The following CREB5 variants were observed in gnomAD, a reference collection of about 807,000 sequenced individuals.
The protein encoded by CREB5 is cAMP responsive element binding protein 5.
CREB5 carries 19 observed loss-of-function variants against 57.1 expected under a neutral mutation model. The observed-to-expected ratio is 0.33, with a 90% CI of 0.23 to 0.49. CREB5 has a LOEUF of 0.49. Ranked by LOEUF, CREB5 falls within the 20% of genes least tolerant of loss-of-function variation. The pLI is 0.99. For missense variants in CREB5, 579 were observed against 671.6 expected (o/e 0.86, Z 1.52); for synonymous variants, 238 against 238.3 (o/e 1.00, Z 0.01).
chr7:28,483,778 T>G (rs1228253466), intron 1 of CREB5, among the ~76,000 whole-genome samples: 1 of 152,168 alleles, frequency 6.6e-6, no homozygotes, highest in Non-Finnish European at 1.5e-5. Flanking sequence ...ACTTGTGAGA[T>G]TGAATAAAAT....
chr7:28,399,763 T>A (rs1372986756), intron 1 of CREB5, among the ~76,000 whole-genome samples: 10 of 151,958 alleles, frequency 6.6e-5, no homozygotes, highest in Admixed American at 6.6e-4. Context: ...AAACATAAAA[T>A]TAAAAAGTAC....
chr7:28,583,766 C>T (rs1257743790), intron 5 of CREB5, among the ~76,000 whole-genome samples: 1 of 152,118 alleles, frequency 6.6e-6, no homozygotes, highest in African/African-American at 2.4e-5. Context: ...GCAACCTCCA[C>T]CTCCTAGGTT....
At chr7:28,386,815 T>A (rs910257473) in intron 1 of CREB5, among the ~76,000 whole-genome samples, 1 of 152,146 alleles carries the variant, frequency 6.6e-6, no homozygotes, top group African/African-American at 2.4e-5. Context: ...TAAATTTAAT[T>A]TTTAGTTTTT....
intron 1 of CREB5, among the ~76,000 whole-genome samples, chr7:28,447,432 G>C (rs1360814624): frequency 6.6e-6 from 1 of 152,220 alleles, no homozygotes; most frequent in Middle Eastern, 3.2e-3. Flanking sequence ...CGACGGGGGA[G>C]TGGGTGACGG....
At chr7:28,681,811 T>C (rs768320206) in intron 5 of CREB5, among the ~76,000 whole-genome samples, 1 of 152,214 alleles carries the variant, frequency 6.6e-6, no homozygotes, top group Non-Finnish European at 1.5e-5. Context: ...ATTCATTCAC[T>C]CATTCATTTA....
chr7:28,412,348 G>A (rs563980534), upstream of CREB5, among the ~76,000 whole-genome samples: 17 of 152,110 alleles, frequency 1.1e-4, no homozygotes, highest in African/African-American at 3.4e-4. Context: ...ACAAACAATT[G>A]GACCTTTAGA....
chr7:28,576,978 T>C (rs532955247), intron 5 of CREB5, among the ~76,000 whole-genome samples: 1 of 152,336 alleles, frequency 6.6e-6, no homozygotes, highest in South Asian at 2.1e-4. Context: ...TTTGTTCTTT[T>C]GTGCAGCATA....
intron 7 of CREB5, among the ~76,000 whole-genome samples, chr7:28,770,866 T>C (rs1354504697): frequency 6.6e-6 from 1 of 152,218 alleles, no homozygotes; most frequent in Non-Finnish European, 1.5e-5. Context: ...ATATGCAGCA[T>C]GGTGACTACA....
chr7:28,509,965 G>A (rs1372569933), intron 4 of CREB5, among the ~76,000 whole-genome samples: 1 of 152,118 alleles, frequency 6.6e-6, no homozygotes, highest in Non-Finnish European at 1.5e-5. Flanking sequence ...AAACCAGAGG[G>A]GCCAAATCCA....
chr7:28,306,936 A>C (rs1357930153), intron 1 of CREB5, among the ~76,000 whole-genome samples: 1 of 152,226 alleles, frequency 6.6e-6, no homozygotes, highest in African/African-American at 2.4e-5. Context: ...TGGAGTAGGA[A>C]TCTAATAGAT....
chr7:28,733,685 GC>G (rs1002383306), intron 7 of CREB5, among the ~76,000 whole-genome samples: 14 of 152,240 alleles, frequency 9.2e-5, no homozygotes, highest in Admixed American at 2.0e-4. Context: ...CCATGGACCT[GC>G]CTCGCCGCCA....
At chr7:28,798,667 C>T (rs1007662080) in intron 7 of CREB5, among the ~76,000 whole-genome samples, 24 of 152,182 alleles carry the variant, frequency 1.6e-4, no homozygotes, top group African/African-American at 5.5e-4. Flanking sequence ...GAAAATGACT[C>T]CTTTTGACTG....
chr7:28,743,792 TC>T, intron 7 of CREB5, among the ~76,000 whole-genome samples: 1 of 149,354 alleles, frequency 6.7e-6, no homozygotes, highest in South Asian at 2.1e-4. Context: ...CCTGTGTCCT[TC>T]CCCGGTCTTT....
intron 1 of CREB5, among the ~76,000 whole-genome samples, chr7:28,347,102 T>G (rs182363655): frequency 6.6e-6 from 1 of 152,318 alleles, no homozygotes; most frequent in East Asian, 1.9e-4. Context: ...TCTTGTACAC[T>G]GTGGCCCTGG....
rs146684423 is a variant in CREB5 at position 28,744,595 on chromosome 7, G to A, written c.702+20263G>A. Among the ~76,000 whole-genome samples, 959 of 152,014 alleles carry A rather than the reference G, an allele frequency of 6.3e-3. 9 individuals are homozygous for A. Among genetic ancestry groups the A allele is most frequent in the Middle Eastern group, 0.014 (4 of 294 alleles). ...TCTCTTGACCTCAGGTGATCCACCCGCCTCGGCCTCCCAAAGAGCTGGGAT... is the reference window on the plus strand; with the variant it reads ...TCTCTTGACCTCAGGTGATCCACCCACCTCGGCCTCCCAAAGAGCTGGGAT... On this transcript the variant is annotated intron_variant, in intron 7 of 10. Transcript: ENST00000357727.
chr7:28,714,711 A>G (rs1331239151), intron 5 of CREB5, among the ~76,000 whole-genome samples: 2 of 152,244 alleles, frequency 1.3e-5, no homozygotes, highest in Non-Finnish European at 2.9e-5. Context: ...ATAGATTTCA[A>G]CTGTAAGCAG....
At chr7:28,345,686 A>G (rs1335486015) in intron 1 of CREB5, among the ~76,000 whole-genome samples, 2 of 152,214 alleles carry the variant, frequency 1.3e-5, no homozygotes, top group African/African-American at 4.8e-5. Context: ...GCAGATGGTT[A>G]GCACTGGGCA....
At chr7:28,351,458 A>T (rs921977178) in intron 1 of CREB5, among the ~76,000 whole-genome samples, 4 of 152,220 alleles carry the variant, frequency 2.6e-5, no homozygotes, top group African/African-American at 9.6e-5. Flanking sequence ...GCCTGCACCA[A>T]GATCAGACTG....
intron 5 of CREB5, among the ~76,000 whole-genome samples, chr7:28,580,558 G>GGTGTGTGTGTGT (rs371277784): frequency 0.02 from 2,469 of 124,628 alleles, 34 homozygotes; most frequent in Non-Finnish European, 0.025. Context: ...TTGGCAAATT[G>GGTGTGTGTGTGT]GTGTGTGTGT....
Sources: allele counts gnomAD v4.1 joint callset (sites outside exome capture counted in the v4.1 genomes callset), GRCh38; gene constraint gnomAD v4.1.1; transcripts MANE v1.5; gene names NCBI Gene and HGNC (gene_info 2026-07-23, HGNC 2026-07-21).